SGMS1: variants seen among roughly 807,000 people sequenced by gnomAD.
SGMS1 encodes the protein phosphatidylcholine:ceramide cholinephosphotransferase 1.
A neutral mutation model predicts 46.2 loss-of-function variants in SGMS1; 13 were observed. The ratio of observed to expected loss-of-function variants is 0.28; its 90% confidence interval spans 0.18 to 0.45. The LOEUF (loss-of-function observed/expected upper bound fraction) is 0.45, where lower values mean the gene tolerates loss of function less well. Ranked by LOEUF, SGMS1 falls within the 20% of genes least tolerant of loss-of-function variation. The pLI is 1.00. For missense variants in SGMS1, 324 were observed against 519.9 expected, an observed-to-expected ratio of 0.62 and a Z score of 3.66; for synonymous variants, 203 against 187.8, an observed-to-expected ratio of 1.08 and a Z score of -0.66.
chr10:50,408,761 G>C (rs923928733), intron 6 of SGMS1, among the ~76,000 whole-genome samples: 1 of 152,170 alleles, frequency 6.6e-6, no homozygotes, highest in Non-Finnish European at 1.5e-5. Context: ...CCAGCTATTG[G>C]GTCGGGGGGG....
rs57999700 is a variant in SGMS1, at chr10:50,515,211, G to T, written c.-498+4620C>A. On this transcript the variant is annotated intron_variant, in intron 3 of 10. Coordinates refer to ENST00000361781, the MANE Select transcript of SGMS1 (RefSeq NM_147156.4). ...GGAACACGATTGTGACTAAAGTACT[G>T]GAGACACAGGAACACTGCTCTGGGT... 7.2e-3 allele frequency among the ~76,000 whole-genome samples: 1,089 copies of T among 152,156 alleles called. 11 individuals carry two copies. The highest frequency in any genetic ancestry group is 0.024 in the African/African-American group (1,010 of 41,478).
chr10:50,489,251 T>G (rs769790473), intron 3 of SGMS1, among the ~76,000 whole-genome samples: 5 of 152,186 alleles, frequency 3.3e-5, no homozygotes, highest in Non-Finnish European at 5.9e-5. Context: ...CCATAAGCAA[T>G]AGGCAAAATA....
intron 2 of SGMS1, among the ~76,000 whole-genome samples, chr10:50,540,842 A>G (rs1838045422): frequency 6.6e-6 from 1 of 152,128 alleles, no homozygotes; most frequent in Non-Finnish European, 1.5e-5. Flanking sequence ...CTTTTAGGGG[A>G]AGGAGGTGAA....
chr10:50,401,270 A>C (rs1049797512), intron 6 of SGMS1, among the ~76,000 whole-genome samples: 1 of 152,188 alleles, frequency 6.6e-6, no homozygotes, highest in Admixed American at 6.5e-5. Context: ...TTCAGTGGCC[A>C]CCCTCTTAAT....
intron 6 of SGMS1, among the ~76,000 whole-genome samples, chr10:50,348,713 A>C (rs986233369): frequency 6.6e-6 from 1 of 152,246 alleles, no homozygotes; most frequent in African/African-American, 2.4e-5. Context: ...GATAGGAAGA[A>C]TCAATATCAT....
chr10:50,599,029 A>G (rs1838622915), intron 1 of SGMS1, among the ~76,000 whole-genome samples: 1 of 152,248 alleles, frequency 6.6e-6, no homozygotes, highest in African/African-American at 2.4e-5. Flanking sequence ...AGAAAAGATA[A>G]GAGACCCAGA....
chr10:50,336,624 T>C (rs1847721247), intron 7 of SGMS1, among the ~76,000 whole-genome samples: 2 of 152,266 alleles, frequency 1.3e-5, no homozygotes, highest in Middle Eastern at 3.4e-3. Flanking sequence ...TTCTGTCCTA[T>C]GCACGTGGCA....
chr10:50,601,236 T>C (rs2131910302), intron 1 of SGMS1, among the ~76,000 whole-genome samples: 1 of 152,292 alleles, frequency 6.6e-6, no homozygotes, highest in Non-Finnish European at 1.5e-5. Context: ...GAATTGTAAA[T>C]GATTCCTTGG....
At chr10:50,434,741 C>G (rs557984760) in intron 5 of SGMS1, among the ~76,000 whole-genome samples, 3 of 142,886 alleles carry the variant, frequency 2.1e-5, no homozygotes, top group Admixed American at 2.1e-4. Context: ...AAAAATTAGC[C>G]AGGCGTGGTG....
intron 3 of SGMS1, among the ~76,000 whole-genome samples, chr10:50,497,858 C>A (rs974741397): frequency 3.9e-5 from 6 of 152,238 alleles, no homozygotes; most frequent in African/African-American, 1.4e-4. Flanking sequence ...CACCTACCAT[C>A]TAACACTGTG....
chr10:50,387,114 C>T (rs745315751), intron 6 of SGMS1, among the ~76,000 whole-genome samples: 3 of 152,168 alleles, frequency 2.0e-5, no homozygotes, highest in Non-Finnish European at 4.4e-5. Context: ...GCACCTCCAA[C>T]TGGGGATACC....
At chr10:50,538,290 T>C (rs1341972757) in intron 2 of SGMS1, among the ~76,000 whole-genome samples, 1 of 151,542 alleles carries the variant, frequency 6.6e-6, no homozygotes, top group Non-Finnish European at 1.5e-5. Flanking sequence ...ACCCCGTCTC[T>C]ACTAAAAATA....
At chr10:50,358,837 T>C (rs1286868490) in intron 6 of SGMS1, among the ~76,000 whole-genome samples, 2 of 152,372 alleles carry the variant, frequency 1.3e-5, no homozygotes, top group African/African-American at 4.8e-5. Context: ...AGATTTGTTA[T>C]TTAGCATTTG....
intron 3 of SGMS1, among the ~76,000 whole-genome samples, chr10:50,490,945 C>A (rs1380574942): frequency 6.6e-6 from 1 of 151,996 alleles, no homozygotes; most frequent in Admixed American, 6.6e-5. Flanking sequence ...CCACCCTTGA[C>A]AAGAATAATT....
At chr10:50,624,708 G>A (rs1335112847), upstream of SGMS1, 1 of 985,306 alleles carries the variant, frequency 1.0e-6, no homozygotes, top group Non-Finnish European at 1.2e-6. Context: ...CAAGTCGCCT[G>A]AAGGAAGGTT....
At chr10:50,534,052 A>T (rs1837978356) in intron 2 of SGMS1, among the ~76,000 whole-genome samples, 1 of 152,138 alleles carries the variant, frequency 6.6e-6, no homozygotes, top group Admixed American at 6.6e-5. Context: ...AAAAACCATA[A>T]ATTTATCCCC....
At position 50,307,572 on chromosome 10, in the gene SGMS1, A is replaced by G. The variant is rs1225943375; in HGVS notation, c.1063-251T>C. On this transcript the variant is annotated intron_variant, in intron 10 of 10. Coordinates refer to ENST00000361781, the MANE Select transcript of SGMS1 (RefSeq NM_147156.4). This position sits in a 1 kb window ranked among gnomAD's most constrained non-coding sequence, Gnocchi z 4.2. ...TGGCTCACTCATCTCTTGCTTATAA[A>G]TAAACACCTCAGTTAGCTTTTTAGG... 5.9e-5 allele frequency among the ~76,000 whole-genome samples: 9 copies of G among 152,192 alleles called. No individual in the cohort carries two copies.
chr10:50,329,591 G>A (rs986315), intron 7 of SGMS1, among the ~76,000 whole-genome samples: 61,310 of 152,122 alleles, frequency 0.4, 13,267 homozygotes, highest in East Asian at 0.85. Flanking sequence ...ACTTCTGGGC[G>A]TTCACTTCCT....
At chr10:50,552,340 C>T (rs1838155604) in intron 2 of SGMS1, among the ~76,000 whole-genome samples, 2 of 152,204 alleles carry the variant, frequency 1.3e-5, no homozygotes, top group Non-Finnish European at 2.9e-5. Flanking sequence ...ACTCATGCTT[C>T]CTAAGGCATC....
Sources: gnomAD v4.1 joint callset for allele counts (sites outside exome capture counted in the v4.1 genomes callset) on GRCh38, gnomAD v4.1.1 for gene constraint, Gnocchi (gnomAD v3.1) non-coding constraint, MANE v1.5 for transcripts, NCBI Gene and HGNC (gene_info 2026-07-23, HGNC 2026-07-21) for gene names.